FBXL13: variants seen among roughly 807,000 people sequenced by gnomAD.
The protein encoded by FBXL13 is F-box and leucine rich repeat protein 13.
Under a neutral mutation model 83.6 loss-of-function variants are expected in FBXL13, and 67 were observed. That is an observed-to-expected ratio of 0.80 (90% CI 0.66 to 0.98). The LOEUF (loss-of-function observed/expected upper bound fraction) is 0.98, where lower values mean the gene tolerates loss of function less well. FBXL13 is among the 50% of genes least tolerant of loss of function. FBXL13 has a pLI of 0.00. For synonymous variants in FBXL13, 272 were observed against 299.5 expected, an observed-to-expected ratio of 0.91 and a Z score of 0.95; for missense variants, 822 against 866.5, an observed-to-expected ratio of 0.95 and a Z score of 0.64.
intron 16 of FBXL13, among the ~76,000 whole-genome samples, chr7:102,867,770 T>G (rs1358587152): frequency 2.1e-5 from 3 of 143,764 alleles, no homozygotes; most frequent in Non-Finnish European, 3.0e-5. Flanking sequence ...TGGCGCAATC[T>G]TGGCTCACTG....
chr7:103,072,847 C>T (rs1308140416), intron 1 of FBXL13, among the ~76,000 whole-genome samples: 2 of 152,218 alleles, frequency 1.3e-5, no homozygotes, highest in African/African-American at 4.8e-5. Context: ...TGGCCCATCA[C>T]TTCAGATACT....
chr7:103,059,605 T>C lies in FBXL13; in HGVS notation c.-104-3858A>G, dbSNP rs149894605. 4.8e-3 allele frequency among the ~76,000 whole-genome samples: 733 copies of C among 152,300 alleles called. 4 individuals carry two copies. Among genetic ancestry groups the C allele is most frequent in the Non-Finnish European group, 8.2e-3 (556 of 68,024 alleles). ...AAGGACAAAAAAGTCCATGAGTTAA[T>C]TATTGGATTAGCTCTCTCAAGCTTG... On this transcript the variant is annotated intron_variant, in intron 1 of 19. Coordinates refer to ENST00000313221, the Ensembl canonical transcript of FBXL13.
chr7:102,880,290 A>T (rs1809853974), intron 14 of FBXL13, among the ~76,000 whole-genome samples: 1 of 152,208 alleles, frequency 6.6e-6, no homozygotes, highest in South Asian at 2.1e-4. Flanking sequence ...TTATATGTAC[A>T]TATTAAAATC....
chr7:102,883,457 C>T, exon 14 of FBXL13: 2 of 1,605,892 alleles, frequency 1.2e-6, no homozygotes, highest in Middle Eastern at 1.7e-4. Flanking sequence ...CATCAGTAAC[C>T]CTTTTATTTC....
At position 103,019,513 on chromosome 7, in the gene FBXL13, C is replaced by CA. The variant is rs1232897264; in HGVS notation, c.495+5549dup. On this transcript the variant is annotated intron_variant, in intron 6 of 19. Coordinates refer to ENST00000313221, the Ensembl canonical transcript of FBXL13. ...GGAGATAGAGACACAAAAATCCCTTCAAAAAATCAATGAATCCAGGAGCTG... is the reference window on the plus strand; with the variant it reads ...GGAGATAGAGACACAAAAATCCCTTCAAAAAAATCAATGAATCCAGGAGCTG... Among the ~76,000 whole-genome samples, 17 of 152,160 alleles carry CA rather than the reference C, an allele frequency of 1.1e-4. No individual in the cohort carries two copies. The South Asian group carries it at 3.3e-3, about 30-fold the overall frequency.
intron 2 of FBXL13, among the ~76,000 whole-genome samples, chr7:103,033,047 GTC>G (rs757912145): frequency 3.6e-4 from 54 of 151,910 alleles, no homozygotes; most frequent in Non-Finnish European, 6.3e-4. Flanking sequence ...GTCTGTCTCT[GTC>G]TCTCTCTCTC....
At chr7:102,954,362 A>G (rs1189287966) in intron 8 of FBXL13, among the ~76,000 whole-genome samples, 2 of 152,204 alleles carry the variant, frequency 1.3e-5, no homozygotes, top group Non-Finnish European at 2.9e-5. Flanking sequence ...TGTCACCACC[A>G]GGCCTGCCTT....
chr7:102,908,415 C>G (rs938850721), intron 11 of FBXL13, among the ~76,000 whole-genome samples: 1 of 152,068 alleles, frequency 6.6e-6, no homozygotes, highest in African/African-American at 2.4e-5. Flanking sequence ...CCCCTTGGTG[C>G]CTTATTTAGT....
intron 17 of FBXL13, among the ~76,000 whole-genome samples, chr7:102,846,805 T>C (rs1306298777): frequency 6.6e-6 from 1 of 151,920 alleles, no homozygotes; most frequent in Non-Finnish European, 1.5e-5. Flanking sequence ...AGGCCACCTA[T>C]GCAAGCACAG....
At chr7:102,963,604 C>G (rs1825622081) in exon 8 of FBXL13, 1 of 1,612,804 alleles carries the variant, frequency 6.2e-7, no homozygotes, top group Non-Finnish European at 8.5e-7. Flanking sequence ...TAAACGCCAC[C>G]TTTGCAAAGT....
At chr7:103,036,620 T>C (rs147222590) in intron 2 of FBXL13, among the ~76,000 whole-genome samples, 2 of 152,322 alleles carry the variant, frequency 1.3e-5, no homozygotes, top group East Asian at 1.9e-4. Flanking sequence ...CAAGTGATTC[T>C]TGTGCCTTAG....
chr7:102,858,719 G>C (rs1416005324), intron 16 of FBXL13, among the ~76,000 whole-genome samples: 1 of 152,144 alleles, frequency 6.6e-6, no homozygotes, highest in Non-Finnish European at 1.5e-5. Context: ...ATCATCCTAA[G>C]TAAAAGAAGA....
chr7:102,893,964 G>GAGAAAGAA (rs370471835), intron 11 of FBXL13, among the ~76,000 whole-genome samples: 6 of 75,326 alleles, frequency 8.0e-5, no homozygotes, highest in African/African-American at 3.5e-4. Context: ...GAAAGAAAGA[G>GAGAAAGAA]AGAAAGAAAG....
intron 10 of FBXL13, among the ~76,000 whole-genome samples, chr7:102,918,286 A>G (rs965658209): frequency 5.9e-5 from 9 of 152,220 alleles, no homozygotes; most frequent in African/African-American, 1.9e-4. Flanking sequence ...TCTATTCTGA[A>G]TATTCTCTCA....
chr7:102,990,588 C>T (rs1428819260), intron 6 of FBXL13, among the ~76,000 whole-genome samples: 1 of 152,044 alleles, frequency 6.6e-6, no homozygotes, highest in Non-Finnish European at 1.5e-5. Context: ...ACAAAATAGG[C>T]CATTATAAGA....
chr7:102,819,844 C>A (rs1269415063), intron 19 of FBXL13, among the ~76,000 whole-genome samples: 2 of 152,184 alleles, frequency 1.3e-5, no homozygotes, highest in East Asian at 3.8e-4. Flanking sequence ...GAAGGGTCTA[C>A]ATACACTGTG....
chr7:103,062,043 A>AC (rs1797978103), intron 1 of FBXL13, among the ~76,000 whole-genome samples: 1 of 147,444 alleles, frequency 6.8e-6, no homozygotes, highest in African/African-American at 2.7e-5. Flanking sequence ...AAAAAAAAAA[A>AC]ACAAACCTTT....
chr7:103,062,485 G>A (rs1798017374), intron 1 of FBXL13, among the ~76,000 whole-genome samples: 1 of 152,148 alleles, frequency 6.6e-6, no homozygotes, highest in South Asian at 2.1e-4. Flanking sequence ...TTCCCACAGT[G>A]GTGGAAAGAG....
At chr7:102,934,017 C>T (rs765823015) in intron 8 of FBXL13, 27 of 1,614,026 alleles carry the variant, frequency 1.7e-5, no homozygotes, top group South Asian at 8.8e-5. Context: ...CATGGCCGGG[C>T]GGGTGGAGGC....
Sources: gnomAD v4.1 joint callset for allele counts (sites outside exome capture counted in the v4.1 genomes callset) on GRCh38, gnomAD v4.1.1 for gene constraint, MANE v1.5 for transcripts, NCBI Gene and HGNC (gene_info 2026-07-23, HGNC 2026-07-21) for gene names.